Variants in TJP2 observed in about 807,000 individuals in gnomAD.
TJP2 encodes Friedreich ataxia region gene X104 (tight junction protein ZO-2).
A neutral mutation model predicts 133.1 loss-of-function variants in TJP2; 91 were observed. The ratio of observed to expected loss-of-function variants is 0.68; its 90% confidence interval spans 0.58 to 0.81. The LOEUF (loss-of-function observed/expected upper bound fraction) is 0.81. Ranked by LOEUF, TJP2 falls within the 40% of genes least tolerant of loss-of-function variation. The pLI, the probability that TJP2 is intolerant of heterozygous loss-of-function variation, is 0.00. For synonymous variants in TJP2, 592 were observed against 583.4 expected (o/e 1.01, Z -0.21); for missense variants, 1,541 against 1,565.6 (o/e 0.98, Z 0.26).
intron 22 of TJP2, 93 bp from the exon 23 acceptor site, chr9:69,254,116 A>T (rs1831534530): frequency 2.8e-6 from 4 of 1,416,996 alleles, no homozygotes; most frequent in Non-Finnish European, 4.0e-6. Context: ...TCTGCTCGGG[A>T]TACCCAGTCA....
Position 69,251,225 on chromosome 9 carries a change from G to T in TJP2, c.3182G>T (p.Gly1061Val), listed in dbSNP as rs756375710. The change falls in exon 21 of 23, where the codon GGT becomes GTT. Residue 1061 changes from glycine to valine, a missense_variant. By Grantham distance (109) the Gly-to-Val change is moderately radical. Transcript: ENST00000377245. ...TCCACTCCCATCCCTCCTCAAGAGG[G>T]TGAGGAGGTGGGAGAGAGCAGTGAG... The part of the protein sequence containing the change: ...KPSTPIPPQE[G>V]EEVGESSEEQ... 5.6e-6 allele frequency: 9 copies of T among 1,614,064 alleles called. No homozygotes were observed. The highest frequency in any genetic ancestry group is 7.6e-6 in the Non-Finnish European group (9 of 1,180,042).
intron 1 of TJP2, among the ~76,000 whole-genome samples, chr9:69,141,434 TC>T (rs933413041): frequency 4.0e-5 from 6 of 151,810 alleles, no homozygotes; most frequent in African/African-American, 1.5e-4. Context: ...AGCCCTTGGG[TC>T]CCTGTACCCT....
chr9:69,159,876 AAAAG>A (rs1462767029), intron 2 of TJP2, among the ~76,000 whole-genome samples: 10 of 140,356 alleles, frequency 7.1e-5, no homozygotes, highest in Non-Finnish European at 1.5e-4. Context: ...AAAAAAAAAA[AAAAG>A]AAAGAAATAT....
chr9:69,122,468 C>G (rs943001188), intron 1 of TJP2, among the ~76,000 whole-genome samples: 7 of 152,202 alleles, frequency 4.6e-5, no homozygotes, highest in African/African-American at 1.7e-4. Context: ...ACTTAGAAAA[C>G]ATTTAAACAA....
chr9:69,124,766 T>A lies in TJP2; in HGVS notation c.-131+3041T>A, dbSNP rs1188868331. The stretch of plus-strand genomic sequence containing the variant: ...TTTACCCTCCTATAGTATGTTCTCT[T>A]CTGAACAATATAGTTCAGAGTTTTA... On this transcript the variant is annotated intron_variant, in intron 1 of 5. Transcript: ENST00000423935. Among the ~76,000 whole-genome samples the A allele has an allele frequency of 2.6e-5, 2 of 77,332 alleles. 1 individual carries two copies. Among genetic ancestry groups the A allele is most frequent in the Non-Finnish European group, 6.0e-5 (2 of 33,564 alleles). 50.7% of individuals were successfully genotyped at this position (77,332 alleles called of 152,430 possible).
chr9:69,173,984 G>GCGGGCCGCT, upstream of TJP2: 1 of 985,330 alleles, frequency 1.0e-6, no homozygotes, highest in Non-Finnish European at 1.2e-6. Context: ...CGTGGGGGCT[G>GCGGGCCGCT]CGGGCCGCTC....
At position 69,214,305 on chromosome 9, in the gene TJP2, C is replaced by T. The variant is rs544089726; in HGVS notation, c.114+1704C>T. On this transcript the variant is annotated intron_variant, in intron 2 of 22. Transcript: ENST00000377245. ...TTTGCCATGTTGGCCAGGCTGATCTCGAACTCCTGGACTCAAGCAATTCAC... is the reference window on the plus strand; with the variant it reads ...TTTGCCATGTTGGCCAGGCTGATCTTGAACTCCTGGACTCAAGCAATTCAC... Among the ~76,000 whole-genome samples the T allele has an allele frequency of 1.0e-3, 156 of 152,098 alleles. 1 individual carries two copies. Among genetic ancestry groups the T allele is most frequent in the African/African-American group, 3.7e-3 (152 of 41,510 alleles).
chr9:69,254,401 C>G lies in TJP2; in HGVS notation c.*27C>G. The G allele has an allele frequency of 6.2e-7, 1 of 1,613,284 alleles. No homozygotes were observed. Among genetic ancestry groups the G allele is most frequent in the South Asian group, 1.1e-5 (1 of 91,066 alleles). On this transcript the variant is annotated 3_prime_UTR_variant, in exon 23 of 23. Transcript: ENST00000377245. ...TGTCTGAGCACGGACTCTCCCAGGC[C>G]TGCCTGCATGGCATCAGACTAGCCA...
intron 1 of TJP2, among the ~76,000 whole-genome samples, chr9:69,143,644 T>C (rs1479275066): frequency 1.3e-5 from 2 of 152,230 alleles, no homozygotes; most frequent in African/African-American, 2.4e-5. Context: ...GCTTTAGCCC[T>C]TGTTTTTTAC....
intron 7 of TJP2, among the ~76,000 whole-genome samples, chr9:69,227,468 G>A (rs1829438553): frequency 6.6e-6 from 1 of 152,200 alleles, no homozygotes. Flanking sequence ...GGAAGAATTA[G>A]TGTATACATC....
intron 2 of TJP2, among the ~76,000 whole-genome samples, chr9:69,158,835 T>A (rs1012339029): frequency 6.6e-6 from 1 of 151,912 alleles, no homozygotes; most frequent in Non-Finnish European, 1.5e-5. Flanking sequence ...AATGGGGGGG[T>A]TCTTCACTCA....
intron 2 of TJP2, among the ~76,000 whole-genome samples, chr9:69,152,499 G>A (rs1192323101): frequency 6.6e-6 from 1 of 152,174 alleles, no homozygotes; most frequent in Admixed American, 6.5e-5. Flanking sequence ...TGTGTGAACT[G>A]GAGTTTAGTG....
At chr9:69,205,418 A>G in intron 1 of TJP2, 1 of 1,291,080 alleles carries the variant, frequency 7.7e-7, no homozygotes, top group Non-Finnish European at 1.0e-6. Flanking sequence ...AAATACTTGT[A>G]TTAATTTTAG....
chr9:69,246,297 G>A (rs935754741), intron 17 of TJP2: 3 of 251,570 alleles, frequency 1.2e-5, no homozygotes, highest in African/African-American at 6.8e-5. Context: ...TTTTATTGGA[G>A]GTAGCCAATA....
intron 1 of TJP2, chr9:69,204,898 C>T: frequency 1.6e-6 from 2 of 1,257,910 alleles, no homozygotes; most frequent in Non-Finnish European, 2.0e-6. Context: ...TGCTCTAGTT[C>T]CCTGGCAAGG....
chr9:69,249,771 G>C (rs1212192302), intron 20 of TJP2: 7 of 983,452 alleles, frequency 7.1e-6, no homozygotes, highest in Non-Finnish European at 8.5e-6. Flanking sequence ...GAAAAAGATT[G>C]AAAAATACTG....
In TJP2 at chr9:69,225,408, G is replaced by T. The variant is rs1829263707; in HGVS notation, c.1056+1G>T. On this transcript the variant is annotated splice_donor_variant, in intron 6 of 22. Coordinates refer to ENST00000377245, the MANE Select transcript of TJP2 (RefSeq NM_004817.4). LOFTEE classifies it high-confidence loss of function. ...TCACGAAGGAGACATAATTCTCAAG[G>T]TGGGTAGATGGGGGCAGAGAACGGT... 1 of 1,605,516 alleles carries T rather than the reference G, an allele frequency of 6.2e-7. No individual in the cohort carries two copies. Among genetic ancestry groups the T allele is most frequent in the Admixed American group, 1.7e-5 (1 of 59,912 alleles).
At chr9:69,149,919 G>GTGGA (rs1823387687) in intron 1 of TJP2, among the ~76,000 whole-genome samples, 1 of 152,162 alleles carries the variant, frequency 6.6e-6, no homozygotes, top group Non-Finnish European at 1.5e-5. Flanking sequence ...GGAGGCCAAG[G>GTGGA]TGGATGGATC....
At chr9:69,175,144 T>C (rs1217424443) in intron 1 of TJP2, among the ~76,000 whole-genome samples, 1 of 152,156 alleles carries the variant, frequency 6.6e-6, no homozygotes, top group East Asian at 1.9e-4. Flanking sequence ...TGGGAGTGAG[T>C]GCTCCCGCGC....
Sources: allele counts gnomAD v4.1 joint callset (sites outside exome capture counted in the v4.1 genomes callset), GRCh38; gene constraint gnomAD v4.1.1; transcripts MANE v1.5; gene names NCBI Gene and HGNC (gene_info 2026-07-23, HGNC 2026-07-21).